The following STAM2 variants were observed in gnomAD, a reference collection of about 807,000 sequenced individuals.
STAM2 encodes signal transducing adapter molecule 2.
Under a neutral mutation model 65.6 loss-of-function variants are expected in STAM2, and 51 were observed. The ratio of observed to expected loss-of-function variants is 0.78; its 90% CI spans 0.62 to 0.98. STAM2 has a LOEUF of 0.98. STAM2 is among the 50% of genes least tolerant of loss of function. The probability of loss-of-function intolerance (pLI) is 0.00; values close to 1 mark genes in which losing one functional copy is unlikely to be tolerated. For missense variants in STAM2, 584 were observed against 617.8 expected (o/e 0.95, Z 0.58); for synonymous variants, 198 against 208.4 (o/e 0.95, Z 0.43).
chr2:152,130,460 C>T (rs964363952), intron 11 of STAM2, among the ~76,000 whole-genome samples: 1 of 151,868 alleles, frequency 6.6e-6, no homozygotes, highest in African/African-American at 2.4e-5. Flanking sequence ...ACCATGTTAG[C>T]CAGGATGGTC....
At chr2:152,172,321 C>T (rs1053812793) in intron 1 of STAM2, among the ~76,000 whole-genome samples, 4 of 152,058 alleles carry the variant, frequency 2.6e-5, no homozygotes, top group Non-Finnish European at 5.9e-5. Flanking sequence ...TAGCCTTTGG[C>T]CTGCTTCCAT....
intron 1 of STAM2, among the ~76,000 whole-genome samples, chr2:152,161,818 A>ATTTTTTT (rs1006876123): frequency 6.8e-6 from 1 of 147,330 alleles, no homozygotes; most frequent in Non-Finnish European, 1.5e-5. Context: ...TCTGCATACC[A>ATTTTTTT]TTTTTTTTTC....
At chr2:152,164,823 GA>G (rs980831349) in intron 1 of STAM2, among the ~76,000 whole-genome samples, 55 of 152,210 alleles carry the variant, frequency 3.6e-4, no homozygotes, top group African/African-American at 1.2e-3. Context: ...AAAGAAGGGG[GA>G]AAAACACATA....
At chr2:152,159,788 G>A (rs1004151004) in intron 1 of STAM2, among the ~76,000 whole-genome samples, 1 of 152,200 alleles carries the variant, frequency 6.6e-6, no homozygotes, top group African/African-American at 2.4e-5. Flanking sequence ...AGCCAAAGCT[G>A]GACTGTACTG....
At chr2:152,148,541 GT>G (rs1323132315) in intron 2 of STAM2, among the ~76,000 whole-genome samples, 18 of 152,242 alleles carry the variant, frequency 1.2e-4, no homozygotes, top group Middle Eastern at 6.8e-3. Flanking sequence ...ATGGTGGCAT[GT>G]GTCTGTACTC....
intron 1 of STAM2, among the ~76,000 whole-genome samples, chr2:152,151,601 G>A (rs1043032014): frequency 3.3e-5 from 5 of 152,178 alleles, no homozygotes; most frequent in Non-Finnish European, 7.3e-5. Flanking sequence ...ACTAACACCA[G>A]TATCTAATTT....
At position 152,133,515 on chromosome 2, in the gene STAM2, A is replaced by G. The variant is rs751873470; in HGVS notation, c.800-31T>C. ...GAAACAAAGTAATTTTAAGTTCCTCAGCATTTACTTCAGTAATTTTAGTCA... is the reference window on the plus strand; with the variant it reads ...GAAACAAAGTAATTTTAAGTTCCTCGGCATTTACTTCAGTAATTTTAGTCA... On this transcript the variant is annotated intron_variant, in intron 8 of 13. Coordinates refer to ENST00000263904, the MANE Select transcript of STAM2 (RefSeq NM_005843.6). 3.9e-6 allele frequency: 6 copies of G among 1,540,902 alleles called. No homozygotes were observed. The South Asian group carries it at 5.7e-5, about 15-fold the overall frequency.
At chr2:152,120,874 AC>A in intron 13 of STAM2, 72 bp from the exon 14 acceptor site, 2 of 1,182,864 alleles carry the variant, frequency 1.7e-6, no homozygotes, top group South Asian at 1.3e-5. Flanking sequence ...AATCATCATG[AC>A]AAAAATGCCT....
chr2:152,146,974 GATAT>G (rs1467401606), intron 5 of STAM2, among the ~76,000 whole-genome samples, 184 bp downstream of exon 5: 2 of 152,172 alleles, frequency 1.3e-5, no homozygotes, highest in African/African-American at 4.8e-5. Context: ...ACAAGGTTCT[GATAT>G]GTGGAAGAAA....
intron 1 of STAM2, among the ~76,000 whole-genome samples, chr2:152,170,028 C>G (rs4664540): frequency 0.98 from 149,585 of 152,052 alleles, 73,642 homozygotes; most frequent in Middle Eastern, 1. Flanking sequence ...AGTAGAGACA[C>G]GTTTCATCAT....
At chr2:152,144,216 G>A (rs1054530616) in intron 6 of STAM2, among the ~76,000 whole-genome samples, 8 of 151,778 alleles carry the variant, frequency 5.3e-5, no homozygotes, top group African/African-American at 1.9e-4. Flanking sequence ...TTATTATCAC[G>A]GTCTGTCATA....
intron 12 of STAM2, among the ~76,000 whole-genome samples, chr2:152,125,664 T>C (rs1181794037): frequency 6.6e-6 from 1 of 152,212 alleles, no homozygotes. Context: ...ATGTATCATA[T>C]CTTTGCTATG....
chr2:152,154,636 A>C lies in STAM2; in HGVS notation c.41-4407T>G, dbSNP rs559679772. On this transcript the variant is annotated intron_variant, in intron 1 of 13. Transcript: ENST00000263904. ...CTGTCTCTACAAAACAAAACAAAAC[A>C]AAGGGCAGGCTCAGGGTGACACTAA... Among the ~76,000 whole-genome samples the C allele has an allele frequency of 2.0e-5, 3 of 152,194 alleles. No individual in the cohort carries two copies. The East Asian group carries it at 5.8e-4, about 29-fold the overall frequency.
At chr2:152,157,649 T>G (rs529727390) in intron 1 of STAM2, among the ~76,000 whole-genome samples, 1 of 152,364 alleles carries the variant, frequency 6.6e-6, no homozygotes, top group East Asian at 1.9e-4. Context: ...TAAATTTCTG[T>G]TGCATAAGCT....
rs574617695 is a variant in STAM2, at chr2:152,118,449, T to C, written c.*2125A>G. ...TGTGCCAATATATACTATATATTTA[T>C]ATATATATATATGTGTCATGTTTTA... On this transcript the variant is annotated 3_prime_UTR_variant, in exon 14 of 14. Coordinates refer to ENST00000263904, the MANE Select transcript of STAM2 (RefSeq NM_005843.6). 4.3e-4 allele frequency: 63 copies of C among 146,678 alleles called. No homozygotes were observed. The highest frequency in any genetic ancestry group is 1.5e-3 in the African/African-American group (58 of 39,318). 9.1% of individuals were successfully genotyped at this position (146,678 alleles called of 1,614,324 possible).
chr2:152,174,387 G>A (rs1423662161), intron 1 of STAM2, among the ~76,000 whole-genome samples: 1 of 152,060 alleles, frequency 6.6e-6, no homozygotes, highest in Non-Finnish European at 1.5e-5. Flanking sequence ...AGCCTTAAGA[G>A]TGATGTTTCC....
At chr2:152,129,211 G>A (rs546924156) in intron 11 of STAM2, among the ~76,000 whole-genome samples, 5 of 152,164 alleles carry the variant, frequency 3.3e-5, no homozygotes, top group African/African-American at 1.2e-4. Flanking sequence ...TGGTGCAACC[G>A]TGGCTCACTG....
At position 152,119,671 on chromosome 2, in the gene STAM2, A is replaced by C. The variant is rs1688813636; in HGVS notation, c.*903T>G. The C allele has an allele frequency of 2.0e-5, 3 of 152,254 alleles. No individual in the cohort carries two copies. Among genetic ancestry groups the C allele is most frequent in the African/African-American group, 7.2e-5 (3 of 41,472 alleles). The allele number at this position is 152,254 out of a possible 1,614,324, so 9.4% of individuals were successfully genotyped here. ...AGAAAAACAAATGGACCATATCTTC[A>C]TTAGAGAATAGCCAAAATCACTTGA... On this transcript the variant is annotated 3_prime_UTR_variant, in exon 14 of 14. Transcript: ENST00000263904.
chr2:152,172,663 G>A (rs1689917350), intron 1 of STAM2, among the ~76,000 whole-genome samples: 1 of 152,000 alleles, frequency 6.6e-6, no homozygotes, highest in African/African-American at 2.4e-5. Context: ...GAGGGCAGGA[G>A]TTCAAGACCA....
Sources: gnomAD v4.1 joint callset for allele counts (sites outside exome capture counted in the v4.1 genomes callset) on GRCh38, gnomAD v4.1.1 for gene constraint, MANE v1.5 for transcripts, NCBI Gene and HGNC (gene_info 2026-07-23, HGNC 2026-07-21) for gene names.